Variants in RBFOX1 observed in about 807,000 individuals in gnomAD.
RBFOX1 encodes the protein RNA binding fox-1 homolog 1.
Under a neutral mutation model 57.7 loss-of-function variants are expected in RBFOX1, and 8 were observed. That is an observed-to-expected ratio of 0.14 (90% CI 0.08 to 0.25). The LOEUF (loss-of-function observed/expected upper bound fraction) is 0.25, where lower values mean the gene tolerates loss of function less well. RBFOX1 is among the 10% of genes least tolerant of loss of function. The pLI is 1.00. For missense variants in RBFOX1, 611 were observed against 548.5 expected (o/e 1.11, Z -1.14); for synonymous variants, 326 against 222.4 (o/e 1.47, Z -4.15).
chr16:5,548,562 C>G (rs1490511167), intron 2 of RBFOX1, among the ~76,000 whole-genome samples: 1 of 152,004 alleles, frequency 6.6e-6, no homozygotes, highest in African/African-American at 2.4e-5. Context: ...ATACCCCATT[C>G]TCCATGATGT....
At chr16:7,480,895 C>A (rs778642021) in intron 4 of RBFOX1, among the ~76,000 whole-genome samples, 2 of 151,904 alleles carry the variant, frequency 1.3e-5, no homozygotes, top group African/African-American at 4.8e-5. Flanking sequence ...TGAGGGGATG[C>A]GAGGGACCTG....
intron 5 of RBFOX1, among the ~76,000 whole-genome samples, chr16:7,525,350 T>C (rs950424170): frequency 6.6e-6 from 1 of 152,124 alleles, no homozygotes; most frequent in African/African-American, 2.4e-5. Flanking sequence ...GGAATTTAGG[T>C]TGTCTCTGGG....
chr16:6,730,782 G>A (rs2068367579), intron 3 of RBFOX1, among the ~76,000 whole-genome samples: 1 of 152,204 alleles, frequency 6.6e-6, no homozygotes, highest in Non-Finnish European at 1.5e-5. Context: ...GTTGGAAGAT[G>A]GCTTAGATTT....
At chr16:5,849,367 G>C (rs1057060310) in intron 3 of RBFOX1, among the ~76,000 whole-genome samples, 2 of 152,180 alleles carry the variant, frequency 1.3e-5, no homozygotes, top group South Asian at 2.1e-4. Flanking sequence ...ATCACCATGA[G>C]GCCCTGCTTC....
intron 1 of RBFOX1, among the ~76,000 whole-genome samples, chr16:6,224,934 G>A (rs1222302313): frequency 1.4e-5 from 2 of 145,904 alleles, no homozygotes; most frequent in Admixed American, 7.2e-5. Context: ...CAAGAGAATC[G>A]CTTGAACCTG....
intron 2 of RBFOX1, among the ~76,000 whole-genome samples, chr16:6,548,242 T>G (rs762385849): frequency 6.6e-6 from 1 of 152,224 alleles, no homozygotes; most frequent in South Asian, 2.1e-4. Flanking sequence ...TGTTTTGTTT[T>G]GCTAGATGTC....
chr16:7,139,194 G>GTGTGTGTA, intron 4 of RBFOX1, among the ~76,000 whole-genome samples: 1 of 149,768 alleles, frequency 6.7e-6, no homozygotes, highest in Non-Finnish European at 1.5e-5. Context: ...GTGTGTGTGT[G>GTGTGTGTA]TGTATGTGTG....
intron 3 of RBFOX1, among the ~76,000 whole-genome samples, chr16:6,911,605 G>A (rs183701990): frequency 1.3e-5 from 2 of 152,138 alleles, no homozygotes; most frequent in Admixed American, 6.5e-5. Flanking sequence ...TAAAGACCCT[G>A]CTTCCAAATC....
At chr16:6,595,789 C>G (rs55708700) in intron 2 of RBFOX1, among the ~76,000 whole-genome samples, 3,549 of 152,192 alleles carry the variant, frequency 0.023, 134 homozygotes, top group African/African-American at 0.08. Context: ...ATTTGACTTG[C>G]ATTTCCCTAA....
intron 3 of RBFOX1, among the ~76,000 whole-genome samples, chr16:6,772,965 G>T (rs2078606443): frequency 7.0e-6 from 1 of 143,586 alleles, no homozygotes; most frequent in Non-Finnish European, 1.5e-5. Context: ...TGGGTGTGGG[G>T]TGCATTTGTG....
At chr16:5,884,610 C>G (rs890324269) in intron 4 of RBFOX1, among the ~76,000 whole-genome samples, 1 of 152,092 alleles carries the variant, frequency 6.6e-6, no homozygotes, top group East Asian at 1.9e-4. Flanking sequence ...TAGCCATAAG[C>G]CTTTCCCGTG....
intron 1 of RBFOX1, among the ~76,000 whole-genome samples, chr16:6,123,097 C>A (rs968854513): frequency 1.3e-5 from 2 of 152,048 alleles, no homozygotes; most frequent in Non-Finnish European, 2.9e-5. Flanking sequence ...TTTAGGAGAT[C>A]CCTCAAAAGG....
intron 4 of RBFOX1, among the ~76,000 whole-genome samples, chr16:7,100,614 C>G (rs924379828): frequency 6.9e-6 from 1 of 145,210 alleles, no homozygotes; most frequent in Non-Finnish European, 1.5e-5. Context: ...AGCTTATTTA[C>G]CCATTTGCCT....
chr16:6,228,031 C>T (rs936543247), intron 1 of RBFOX1, among the ~76,000 whole-genome samples: 1 of 152,172 alleles, frequency 6.6e-6, no homozygotes, highest in Non-Finnish European at 1.5e-5. Context: ...AGGGATATGG[C>T]CAGGCACGGT....
chr16:6,584,616 G>A (rs950995463), intron 2 of RBFOX1, among the ~76,000 whole-genome samples: 1 of 151,882 alleles, frequency 6.6e-6, no homozygotes, highest in Admixed American at 6.6e-5. Context: ...TGATCCACCT[G>A]CCTTGGCCTC....
chr16:5,650,816 T>C (rs919761215), intron 3 of RBFOX1, among the ~76,000 whole-genome samples: 4 of 152,078 alleles, frequency 2.6e-5, no homozygotes, highest in African/African-American at 9.7e-5. Context: ...TCTTTGTCCT[T>C]ATGGAGGACG....
At chr16:7,174,426 G>T (rs1863768766) in intron 4 of RBFOX1, among the ~76,000 whole-genome samples, 1 of 152,108 alleles carries the variant, frequency 6.6e-6, no homozygotes, top group South Asian at 2.1e-4. Flanking sequence ...CACCTTTCTT[G>T]GGTAGATATT....
At position 5,497,169 on chromosome 16, in the gene RBFOX1, A is replaced by G. The variant is rs533133799; in HGVS notation, c.258+29915A>G. 1.5e-3 allele frequency among the ~76,000 whole-genome samples: 231 copies of G among 152,246 alleles called. 1 individual carries two copies. The highest frequency in any genetic ancestry group is 2.0e-3 in the Non-Finnish European group (133 of 68,002). ...GACATTTCCACCAGCTGGGATGGTA[A>G]TTTTCAGCTTTCACCGGGGTTGGTG... is the stretch of plus-strand genomic sequence containing the variant. On this transcript the variant is annotated intron_variant, in intron 2 of 2. Transcript: ENST00000585867.
At chr16:7,577,269 G>T (rs987862444) in intron 5 of RBFOX1, among the ~76,000 whole-genome samples, 8 of 152,140 alleles carry the variant, frequency 5.3e-5, no homozygotes, top group African/African-American at 1.9e-4. Flanking sequence ...TTAGGATGAA[G>T]CTCAGACTCT....
Sources: allele counts gnomAD v4.1 joint callset (sites outside exome capture counted in the v4.1 genomes callset), GRCh38; gene constraint gnomAD v4.1.1; transcripts MANE v1.5; gene names NCBI Gene and HGNC (gene_info 2026-07-23, HGNC 2026-07-21).